GALNT18: variants seen among roughly 807,000 people sequenced by gnomAD.
GALNT18 encodes the protein GalNAc-transferase 18.
In GALNT18, 44 loss-of-function variants were observed where a neutral mutation model predicts 69.5. The ratio of observed to expected loss-of-function variants is 0.63; its 90% CI spans 0.50 to 0.81. The LOEUF (loss-of-function observed/expected upper bound fraction) is 0.81. Among genes scored for constraint, GALNT18 ranks in the 40% least tolerant of loss-of-function variants. The probability of loss-of-function intolerance (pLI) is 0.00; values close to 1 mark genes in which losing one functional copy is unlikely to be tolerated. For synonymous variants in GALNT18, 364 were observed against 318.2 expected, an observed-to-expected ratio of 1.14 and a Z score of -1.53; for missense variants, 715 against 810.0, an observed-to-expected ratio of 0.88 and a Z score of 1.42.
intron 1 of GALNT18, among the ~76,000 whole-genome samples, chr11:11,482,597 T>C (rs1393823309): frequency 6.6e-6 from 1 of 152,160 alleles, no homozygotes; most frequent in Non-Finnish European, 1.5e-5. Context: ...TGGATTCCCA[T>C]ACACAGGATA....
At chr11:11,350,064 G>C (rs562349632) in intron 6 of GALNT18, among the ~76,000 whole-genome samples, 2 of 152,346 alleles carry the variant, frequency 1.3e-5, no homozygotes, top group South Asian at 4.1e-4. Context: ...GAGGCAGCAG[G>C]ATTCATTGGG....
rs1339535749 is a variant in GALNT18, at chr11:11,318,837, A to C, written c.1512+8249T>G. On this transcript the variant is annotated intron_variant, in intron 9 of 10. Coordinates refer to ENST00000227756, the MANE Select transcript of GALNT18 (RefSeq NM_198516.3). The surrounding 1 kb of genome is among the most constrained non-coding windows in gnomAD (Gnocchi z 5.1). ...TGGGACATTAACGGGCCCATCCAAGAGTATGTAATTTTCCAAGAGAATGTA... is the reference window on the plus strand; with the variant it reads ...TGGGACATTAACGGGCCCATCCAAGCGTATGTAATTTTCCAAGAGAATGTA... Among the ~76,000 whole-genome samples the C allele has an allele frequency of 6.6e-6, 1 of 152,156 alleles. No individual in the cohort carries two copies. Among genetic ancestry groups the C allele is most frequent in the Admixed American group, 6.5e-5 (1 of 15,284 alleles).
chr11:11,271,085 C>A lies in GALNT18; in HGVS notation c.*59G>T. 1 of 1,534,112 alleles carries A rather than the reference C, an allele frequency of 6.5e-7. No individual in the cohort carries two copies. The highest frequency in any genetic ancestry group is 8.9e-7 in the Non-Finnish European group (1 of 1,124,486). ...CAAACAACCCCACGTGGACAGCAGG[C>A]AACGTTGCAGCAGGTGCTACACAGT... On this transcript the variant is annotated 3_prime_UTR_variant, in exon 11 of 11. Transcript: ENST00000227756.
Position 11,540,147 on chromosome 11 carries a change from A to G in GALNT18, c.235+81212T>C, listed in dbSNP as rs1290248857. On this transcript the variant is annotated intron_variant, in intron 1 of 10. Coordinates refer to ENST00000227756, the MANE Select transcript of GALNT18 (RefSeq NM_198516.3). This position sits in a 1 kb window ranked among gnomAD's most constrained non-coding sequence, Gnocchi z 4.6. ...TAAGGCATTGGACTGGATTATTCTA[A>G]ACATATTTTGTGGTTCTAAAACCTC... Among the ~76,000 whole-genome samples, 1 of 152,136 alleles carries G rather than the reference A, an allele frequency of 6.6e-6. No homozygotes were observed. The highest frequency in any genetic ancestry group is 1.5e-5 in the Non-Finnish European group (1 of 68,010).
intron 3 of GALNT18, among the ~76,000 whole-genome samples, chr11:11,419,837 T>C (rs910034946): frequency 6.6e-6 from 1 of 151,922 alleles, no homozygotes; most frequent in Non-Finnish European, 1.5e-5. Context: ...AAATCAACCA[T>C]AACCTGGGCA....
chr11:11,307,485 T>C (rs1849598804), intron 9 of GALNT18, among the ~76,000 whole-genome samples: 1 of 152,092 alleles, frequency 6.6e-6, no homozygotes, highest in African/African-American at 2.4e-5. Context: ...GAAAGAGAGG[T>C]AAATTATTGG....
At chr11:11,398,948 C>T (rs1166135532) in intron 3 of GALNT18, among the ~76,000 whole-genome samples, 1 of 152,120 alleles carries the variant, frequency 6.6e-6, no homozygotes, top group Non-Finnish European at 1.5e-5. Context: ...ATAGCAGGTG[C>T]ACAGGAGTGA....
chr11:11,533,740 T>A (rs558673442), intron 1 of GALNT18, among the ~76,000 whole-genome samples: 1 of 152,350 alleles, frequency 6.6e-6, no homozygotes, highest in Non-Finnish European at 1.5e-5. Context: ...ATGAAAATGT[T>A]ATCCAATCAT....
Position 11,614,361 on chromosome 11 carries a change from A to AGG in GALNT18, c.235+6997_235+6998insCC, listed in dbSNP as rs1417207250. On this transcript the variant is annotated intron_variant, in intron 1 of 10. Transcript: ENST00000227756. The surrounding 1 kb of genome is among the most constrained non-coding windows in gnomAD (Gnocchi z 5.6). ...GCAAGAGAGTGAGGAGAAGAAGAAG[A>AGG]AGAGGAGGAGGAGGAGGAGGAGGAG... 2.2e-3 allele frequency among the ~76,000 whole-genome samples: 258 copies of AGG among 115,896 alleles called. 2 individuals carry two copies. Among genetic ancestry groups the AGG allele is most frequent in the African/African-American group, 0.01 (247 of 24,680 alleles). The allele number at this position is 115,896 out of a possible 152,430, so 76.0% of individuals were successfully genotyped here. A position where few individuals can be genotyped will look rare whatever the true frequency, so the allele number is the denominator to read the frequency against.
Position 11,602,050 on chromosome 11 carries a change from A to C in GALNT18, c.235+19309T>G, listed in dbSNP as rs780265371. On this transcript the variant is annotated intron_variant, in intron 1 of 10. Coordinates refer to ENST00000227756, the MANE Select transcript of GALNT18 (RefSeq NM_198516.3). This position sits in a 1 kb window ranked among gnomAD's most constrained non-coding sequence, Gnocchi z 4.7. ...CTTGGACCTCCTCATACTCCATTCC[A>C]AATAAAGTCAAAAGCTACAAATCTC... Among the ~76,000 whole-genome samples, 5 of 152,120 alleles carry C rather than the reference A, an allele frequency of 3.3e-5. No individual in the cohort carries two copies. Among genetic ancestry groups the C allele is most frequent in the Non-Finnish European group, 5.9e-5 (4 of 68,030 alleles).
chr11:11,398,200 T>C (rs573169827), intron 3 of GALNT18, among the ~76,000 whole-genome samples: 16 of 152,316 alleles, frequency 1.1e-4, no homozygotes, highest in African/African-American at 3.6e-4. Flanking sequence ...TTCAAATCTG[T>C]ATATGTCTTT....
At chr11:11,503,759 CT>C (rs1372993236) in intron 1 of GALNT18, among the ~76,000 whole-genome samples, 2 of 152,204 alleles carry the variant, frequency 1.3e-5, no homozygotes, top group Admixed American at 1.3e-4. Context: ...CAGGCATCAT[CT>C]TTTTTCCCCT....
chr11:11,366,394 T>C (rs891645367), intron 6 of GALNT18, among the ~76,000 whole-genome samples: 1 of 152,218 alleles, frequency 6.6e-6, no homozygotes, highest in African/African-American at 2.4e-5. Flanking sequence ...CATATGCATC[T>C]ACATGTATAA....
At chr11:11,348,353 G>C (rs1850339307) in intron 6 of GALNT18, among the ~76,000 whole-genome samples, 1 of 150,452 alleles carries the variant, frequency 6.6e-6, no homozygotes, top group South Asian at 2.1e-4. Flanking sequence ...ACTCCAGCCT[G>C]GGTGGCAAGA....
At chr11:11,429,877 C>T (rs752133947) in intron 3 of GALNT18, among the ~76,000 whole-genome samples, 1 of 152,222 alleles carries the variant, frequency 6.6e-6, no homozygotes, top group Non-Finnish European at 1.5e-5. Flanking sequence ...CAGTGGCTCA[C>T]ACCTGTAATC....
At chr11:11,510,050 G>A (rs1320554598) in intron 1 of GALNT18, among the ~76,000 whole-genome samples, 1 of 152,106 alleles carries the variant, frequency 6.6e-6, no homozygotes, top group Non-Finnish European at 1.5e-5. Flanking sequence ...CTTCACTATG[G>A]CCCAGTGAGT....
At chr11:11,556,167 G>C (rs4463835) in intron 1 of GALNT18, among the ~76,000 whole-genome samples, 30,782 of 152,184 alleles carry the variant, frequency 0.2, 3,722 homozygotes, top group Non-Finnish European at 0.26. Flanking sequence ...ATGGGCTCAG[G>C]GTTCCCACTA....
chr11:11,491,978 C>G (rs964083048), intron 1 of GALNT18, among the ~76,000 whole-genome samples: 1 of 152,086 alleles, frequency 6.6e-6, no homozygotes, highest in African/African-American at 2.4e-5. Flanking sequence ...AGGAAGAGTA[C>G]CTATGATTCA....
chr11:11,510,555 G>A (rs1857146378), intron 1 of GALNT18, among the ~76,000 whole-genome samples: 1 of 152,216 alleles, frequency 6.6e-6, no homozygotes, highest in South Asian at 2.1e-4. Context: ...CTTTAGAGAT[G>A]CATTCCCTGC....
Sources: allele counts gnomAD v4.1 joint callset (sites outside exome capture counted in the v4.1 genomes callset), GRCh38; gene constraint gnomAD v4.1.1; non-coding constraint Gnocchi (gnomAD v3.1); transcripts MANE v1.5; gene names NCBI Gene and HGNC (gene_info 2026-07-23, HGNC 2026-07-21).